Variants in CACNA2D1 observed in about 807,000 individuals in gnomAD.
The protein encoded by CACNA2D1 is voltage-dependent calcium channel subunit alpha-2/delta-1.
A neutral mutation model predicts 171.5 loss-of-function variants in CACNA2D1; 53 were observed. The observed-to-expected ratio is 0.31, with a 90% CI of 0.25 to 0.39. CACNA2D1 has a LOEUF of 0.39. CACNA2D1 is among the 10% of genes least tolerant of loss of function. The pLI, the probability that CACNA2D1 is intolerant of heterozygous loss-of-function variation, is 1.00. For synonymous variants in CACNA2D1, 442 were observed against 443.1 expected, an observed-to-expected ratio of 1.00 and a Z score of 0.03; for missense variants, 903 against 1,299.8, an observed-to-expected ratio of 0.69 and a Z score of 4.69.
chr7:82,379,296 G>A (rs1257834120), intron 1 of CACNA2D1, among the ~76,000 whole-genome samples: 1 of 137,082 alleles, frequency 7.3e-6, no homozygotes, highest in African/African-American at 2.9e-5. Context: ...AAGAATCCAT[G>A]GAAACATAAT....
intron 15 of CACNA2D1, among the ~76,000 whole-genome samples, chr7:82,011,160 C>T (rs1388476978): frequency 6.6e-6 from 1 of 152,086 alleles, no homozygotes; most frequent in Admixed American, 6.6e-5. Flanking sequence ...TAACAGCGTG[C>T]CTGGCCTCTG....
intron 1 of CACNA2D1, among the ~76,000 whole-genome samples, chr7:82,433,687 AC>A (rs1340182092): frequency 6.6e-6 from 1 of 152,156 alleles, no homozygotes; most frequent in Non-Finnish European, 1.5e-5. Flanking sequence ...CCTCTGAGAT[AC>A]TGGAATCTCC....
rs146858994 is a variant in CACNA2D1 at position 81,955,466 on chromosome 7, C to G, written c.3159+3809G>C. On this transcript the variant is annotated intron_variant, in intron 38 of 38. Coordinates refer to ENST00000356860, the MANE Select transcript of CACNA2D1 (RefSeq NM_000722.4). The stretch of plus-strand genomic sequence containing the variant: ...CCTTTGATATCATTATATCAACATT[C>G]AAATAGCACTAAGTGGATTCACTGT... 4.8e-3 allele frequency among the ~76,000 whole-genome samples: 726 copies of G among 152,198 alleles called. 6 individuals are homozygous for G. The highest frequency in any genetic ancestry group is 0.016 in the African/African-American group (683 of 41,526).
chr7:82,097,552 T>C (rs1812038748), intron 6 of CACNA2D1, among the ~76,000 whole-genome samples: 1 of 152,124 alleles, frequency 6.6e-6, no homozygotes, highest in South Asian at 2.1e-4. Flanking sequence ...TTAGTGTTAT[T>C]AACAAAGATA....
chr7:82,410,320 C>T (rs929430508), intron 1 of CACNA2D1, among the ~76,000 whole-genome samples: 1 of 151,960 alleles, frequency 6.6e-6, no homozygotes, highest in Non-Finnish European at 1.5e-5. Flanking sequence ...TAGGGGAGGC[C>T]CTAAAATATA....
At chr7:82,400,180 T>C (rs1255867201) in intron 1 of CACNA2D1, among the ~76,000 whole-genome samples, 1 of 151,140 alleles carries the variant, frequency 6.6e-6, no homozygotes, top group Non-Finnish European at 1.5e-5. Context: ...GACTTGGCGA[T>C]GCGGGCTCTT....
intron 27 of CACNA2D1, 85 bp downstream of exon 27, chr7:81,970,590 A>G (rs867043079): frequency 3.8e-6 from 3 of 791,998 alleles, no homozygotes; most frequent in African/African-American, 3.4e-5. Context: ...TTATTTGAAG[A>G]ATGGCTTCCT....
chr7:82,420,619 T>C (rs1047432123), intron 1 of CACNA2D1, among the ~76,000 whole-genome samples: 2 of 152,196 alleles, frequency 1.3e-5, no homozygotes, highest in Non-Finnish European at 2.9e-5. Context: ...GGAAATCCAG[T>C]TCTGTCTCTT....
At chr7:82,268,041 C>A (rs1369081300) in intron 3 of CACNA2D1, among the ~76,000 whole-genome samples, 1 of 151,940 alleles carries the variant, frequency 6.6e-6, no homozygotes, top group Non-Finnish European at 1.5e-5. Context: ...TACAAGCTGC[C>A]TATTTAGGGA....
chr7:82,056,757 T>G (rs567322566), intron 10 of CACNA2D1, among the ~76,000 whole-genome samples: 57 of 152,280 alleles, frequency 3.7e-4, no homozygotes, highest in African/African-American at 1.3e-3. Context: ...TTTTTCCTAT[T>G]ATGGATACAA....
chr7:81,958,028 C>T (rs942017376), intron 38 of CACNA2D1, among the ~76,000 whole-genome samples: 1 of 152,038 alleles, frequency 6.6e-6, no homozygotes, highest in South Asian at 2.1e-4. Flanking sequence ...AATAATTTTA[C>T]ATGGGCAACG....
At position 82,241,264 on chromosome 7, in the gene CACNA2D1, T is replaced by A. The variant is rs1804241333; in HGVS notation, c.295-70655A>T. ...ACTAATAGTTTACATTAACAGATTA[T>A]CACTTATTAAAAATAAAGCCATGTC... On this transcript the variant is annotated intron_variant, in intron 3 of 38. Coordinates refer to ENST00000356860, the MANE Select transcript of CACNA2D1 (RefSeq NM_000722.4). 2.6e-5 allele frequency among the ~76,000 whole-genome samples: 4 copies of A among 152,206 alleles called. No individual in the cohort carries two copies. The South Asian group carries it at 8.3e-4, about 32-fold the overall frequency.
chr7:82,267,705 A>G (rs1808047306), intron 3 of CACNA2D1, among the ~76,000 whole-genome samples: 1 of 151,958 alleles, frequency 6.6e-6, no homozygotes, highest in Admixed American at 6.6e-5. Context: ...CCTTAAACCT[A>G]CAAACTCGGC....
intron 5 of CACNA2D1, among the ~76,000 whole-genome samples, chr7:82,131,068 C>A (rs753412546): frequency 3.9e-5 from 6 of 152,134 alleles, no homozygotes; most frequent in Non-Finnish European, 7.4e-5. Flanking sequence ...TCCCAAAGTG[C>A]TGGGATTACA....
intron 10 of CACNA2D1, among the ~76,000 whole-genome samples, chr7:82,038,534 G>A (rs1381390673): frequency 6.6e-6 from 1 of 152,156 alleles, no homozygotes; most frequent in Non-Finnish European, 1.5e-5. Context: ...TAATGAGCAT[G>A]TAGAAAAAAT....
intron 3 of CACNA2D1, among the ~76,000 whole-genome samples, chr7:82,194,227 A>T (rs1002029176): frequency 3.3e-5 from 5 of 151,992 alleles, no homozygotes; most frequent in South Asian, 2.1e-4. Context: ...AATTATCATA[A>T]GCAACCTCCA....
chr7:82,055,280 G>A (rs1053356796), intron 10 of CACNA2D1, among the ~76,000 whole-genome samples: 3 of 151,996 alleles, frequency 2.0e-5, no homozygotes, highest in African/African-American at 7.3e-5. Flanking sequence ...TTAGTTAGAG[G>A]GCAGTAGCTT....
At chr7:82,082,174 C>T (rs1405017366) in intron 7 of CACNA2D1, among the ~76,000 whole-genome samples, 1 of 152,210 alleles carries the variant, frequency 6.6e-6, no homozygotes, top group Non-Finnish European at 1.5e-5. Context: ...CCTGCCACTG[C>T]TTCCTGATGT....
intron 3 of CACNA2D1, among the ~76,000 whole-genome samples, chr7:82,290,579 TAAA>T (rs113699646): frequency 2.9e-5 from 4 of 136,010 alleles, no homozygotes; most frequent in African/African-American, 5.5e-5. Flanking sequence ...GGTCGTATAT[TAAA>T]AAAAAAAAAA....
Sources: gnomAD v4.1 joint callset for allele counts (sites outside exome capture counted in the v4.1 genomes callset) on GRCh38, gnomAD v4.1.1 for gene constraint, MANE v1.5 for transcripts, NCBI Gene and HGNC (gene_info 2026-07-23, HGNC 2026-07-21) for gene names.